Variants in EOLA1 observed in about 807,000 individuals in gnomAD.
EOLA1 encodes protein EOLA1.
Under a neutral mutation model 4.5 loss-of-function variants are expected in EOLA1, and 1 was observed. The observed-to-expected ratio is 0.22, with a 90% confidence interval of 0.08 to 1.05. EOLA1 has a LOEUF of 1.05. EOLA1 is among the 50% of genes least tolerant of loss of function. The pLI is 0.57. For missense variants in EOLA1, 69 were observed against 127.2 expected (o/e 0.54, Z 2.20); for synonymous variants, 37 against 52.3 (o/e 0.71, Z 1.26).
Position 149,547,163 on chromosome X carries a change from G to C in EOLA1, c.*201G>C, listed in dbSNP as rs7885814. The stretch of plus-strand genomic sequence containing the variant: ...GGAAGTAGGGGGTGGGGCTTTCCTT[G>C]TGTGATGCCTCCTTAGGCACACAGG... On this transcript the variant is annotated 3_prime_UTR_variant, in exon 5 of 5. Transcript: ENST00000393985. 71,939 of 970,712 alleles carry C rather than the reference G, an allele frequency of 0.074. 1,924 individuals are homozygous for C. The highest frequency in any genetic ancestry group is 0.094 in the Middle Eastern group (228 of 2,427). 80.0% of individuals were successfully genotyped at this position (970,712 alleles called of 1,213,427 possible).
At chrX:149,550,384 G>C (rs1231808472), downstream of EOLA1, 1 of 79,846 alleles carries the variant, frequency 1.3e-5, no homozygotes, top group Non-Finnish European at 2.2e-5. Flanking sequence ...TCTAGGAGAT[G>C]GTGGTCCCTA....
rs2089718525 is a variant in EOLA1, at chrX:149,541,024, G to C, written c.-549G>C. 8.9e-6 allele frequency: 1 copy of C among 112,842 alleles called. No individual in the cohort carries two copies. Among genetic ancestry groups the C allele is most frequent in the Non-Finnish European group, 1.9e-5 (1 of 53,332 alleles). The allele number at this position is 112,842 out of a possible 1,213,427, so 9.3% of individuals were successfully genotyped here. On this transcript the variant is annotated 5_prime_UTR_variant, in exon 1 of 5. Transcript: ENST00000393985. ...GCTGTATGAAAGCGGAAGAGTTATA[G>C]ACCGCTAACACCTGTCACTGGCCAC...
At chrX:149,549,229 T>C, downstream of EOLA1, 9 of 1,045,042 alleles carry the variant, frequency 8.6e-6, no homozygotes, top group Non-Finnish European at 1.1e-5. Context: ...ATACTTTTCA[T>C]CTTTCAATAA....
rs1470104920 is a variant in EOLA1, at chrX:149,541,337, G to C, written c.-236G>C. 5 of 114,203 alleles carry C rather than the reference G, an allele frequency of 4.4e-5. No individual in the cohort carries two copies. Among genetic ancestry groups the C allele is most frequent in the African/African-American group, 1.6e-4 (5 of 31,098 alleles). 9.4% of individuals were successfully genotyped at this position (114,203 alleles called of 1,213,427 possible). ...GGGAGCCTGTGTGCTCAGCCTTCTT[G>C]CGGACGGTACCTGAGGGCTGGGGTT... On this transcript the variant is annotated 5_prime_UTR_variant, in exon 1 of 5. Coordinates refer to ENST00000393985, the MANE Select transcript of EOLA1 (RefSeq NM_001171907.3).
In EOLA1 at chrX:149,545,791, G is replaced by A. The variant is rs149793182; in HGVS notation, c.161G>A (p.Arg54Gln). The A allele has an allele frequency of 2.1e-4, 258 of 1,210,419 alleles. No individual in the cohort carries two copies. Among genetic ancestry groups the A allele is most frequent in the African/African-American group, 1.8e-3 (105 of 57,399 alleles). ...AGGGACTGGGAAGGCGATGCCTGGC[G>A]GGAGCTGCTGGTGGAGAGACTCGGG... ...AHRDWEGDAWRELLVERLGMT... is the reference protein window; with the variant it reads ...AHRDWEGDAWQELLVERLGMT... Residue 54 changes from arginine to glutamine, a missense_variant, in exon 4 of 5, where the codon CGG becomes CAG. By Grantham distance (43) the Arg-to-Gln change is conservative. Coordinates refer to ENST00000393985, the MANE Select transcript of EOLA1 (RefSeq NM_001171907.3).
chrX:149,545,008 G>C (rs2089810924), intron 2 of EOLA1: 1 of 688,224 alleles, frequency 1.5e-6, no homozygotes, highest in Non-Finnish European at 1.7e-6. Flanking sequence ...GTGGCACCCA[G>C]AGGGGTGGAG....
At position 149,546,819 on chromosome X, in the gene EOLA1, G is replaced by A; in HGVS notation, c.334G>A (p.Val112Ile). 1 of 1,211,737 alleles carries A rather than the reference G, an allele frequency of 8.3e-7. No individual in the cohort carries two copies. The highest frequency in any genetic ancestry group is 1.1e-6 in the Non-Finnish European group (1 of 895,428). The change falls in exon 5 of 5, where the codon GTA becomes ATA. Residue 112 changes from valine (V) to isoleucine (I), a missense_variant. By Grantham distance (29) the Val-to-Ile change is conservative. Coordinates refer to ENST00000393985, the MANE Select transcript of EOLA1 (RefSeq NM_001171907.3). ...GGTTGTGGAACTAGAAAATCAAGCT[G>A]TACTGACCAACCTGAAGCAGAAGTA... Reference protein sequence around the residue: ...DEVVELENQAVLTNLKQKYLT... With the variant: ...DEVVELENQAILTNLKQKYLT...
chrX:149,543,896 C>T (rs2089780184), intron 2 of EOLA1, among the ~76,000 whole-genome samples: 1 of 75,917 alleles, frequency 1.3e-5, no homozygotes, highest in East Asian at 3.5e-4. Flanking sequence ...GGCTGCTGAG[C>T]ATGGACTAAG....
chrX:149,545,781 G>A lies in EOLA1; in HGVS notation c.151G>A (p.Asp51Asn), dbSNP rs370085115. 17 of 1,210,572 alleles carry A rather than the reference G, an allele frequency of 1.4e-5. No individual in the cohort carries two copies. The Middle Eastern group carries it at 6.9e-4, about 49-fold the overall frequency. Residue 51 changes from aspartate (D) to asparagine (N), a missense_variant, in exon 4 of 5, where the codon GAT becomes AAT. Transcript: ENST00000393985. ...CATTGCTCACAGGGACTGGGAAGGC[G>A]ATGCCTGGCGGGAGCTGCTGGTGGA... ...VHIAHRDWEG[D>N]AWRELLVERL...
chrX:149,546,236 C>T (rs1481998276), intron 4 of EOLA1, among the ~76,000 whole-genome samples: 1 of 98,038 alleles, frequency 1.0e-5, no homozygotes, highest in Non-Finnish European at 2.1e-5. Flanking sequence ...GAAAAGCAGC[C>T]CAGCCCGCCG....
intron 2 of EOLA1, among the ~76,000 whole-genome samples, chrX:149,542,463 G>A (rs1194610924): frequency 3.6e-5 from 4 of 109,618 alleles, no homozygotes; most frequent in Non-Finnish European, 5.7e-5. Context: ...GCAGATATCA[G>A]CATCTTAGAT....
In EOLA1 at chrX:149,545,668, C is replaced by G. The variant is rs1264471040; in HGVS notation, c.38C>G (p.Ala13Gly). 8.3e-7 allele frequency: 1 copy of G among 1,209,568 alleles called. No homozygotes were observed. Among genetic ancestry groups the G allele is most frequent in the Non-Finnish European group, 1.1e-6 (1 of 894,246 alleles). Residue 13 changes from alanine to glycine, a missense_variant, in exon 4 of 5, where the codon GCT becomes GGT. Physicochemically the swap from Ala to Gly is moderately conservative, Grantham distance 60. Coordinates refer to ENST00000393985, the MANE Select transcript of EOLA1 (RefSeq NM_001171907.3). Reference protein sequence around the residue: ...FGCLSFRQPYAGFVLNGIKTV... With the variant: ...FGCLSFRQPYGGFVLNGIKTV... ...TGCCTCTCCTTCCGGCAGCCTTATG[C>G]TGGCTTTGTCTTAAATGGAATCAAG...
At chrX:149,544,812 G>A in intron 2 of EOLA1, 2 of 752,667 alleles carry the variant, frequency 2.7e-6, no homozygotes, top group Non-Finnish European at 3.1e-6. Context: ...CACTGACCCT[G>A]CTGGGTTACT....
downstream of EOLA1, chrX:149,548,380 T>G: frequency 1.1e-6 from 1 of 933,664 alleles, no homozygotes; most frequent in Non-Finnish European, 1.3e-6. Context: ...ACTTGTAATC[T>G]GAGGAGCCTT....
At position 149,545,764 on chromosome X, in the gene EOLA1, A is replaced by G; in HGVS notation, c.134A>G (p.His45Arg). 8.3e-7 allele frequency: 1 copy of G among 1,212,112 alleles called. No individual in the cohort carries two copies. Among genetic ancestry groups the G allele is most frequent in the Non-Finnish European group, 1.1e-6 (1 of 895,447 alleles). ...TGTACCATCGCCGTCCACATTGCTC[A>G]CAGGGACTGGGAAGGCGATGCCTGG... The part of the protein sequence containing the change: ...RNCTIAVHIA[H>R]RDWEGDAWRE... The change falls in exon 4 of 5, where the codon CAC (histidine) becomes CGC (arginine). Residue 45 changes from histidine (H) to arginine (R), a missense_variant. Coordinates refer to ENST00000393985, the MANE Select transcript of EOLA1 (RefSeq NM_001171907.3).
chrX:149,548,411 G>C (rs2089887592), downstream of EOLA1: 1 of 932,299 alleles, frequency 1.1e-6, no homozygotes, highest in Non-Finnish European at 1.3e-6. Context: ...CTCATCGTCA[G>C]AGGGCTCATT....
chrX:149,548,207 C>G lies in EOLA1; in HGVS notation c.*1245C>G. The G allele has an allele frequency of 2.7e-6, 1 of 373,711 alleles. No homozygotes were observed. 30.8% of individuals were successfully genotyped at this position (373,711 alleles called of 1,213,427 possible). ...ACAAGGTTAAAAAAAACACAGACAACAGTTCTCATTTAAATTGTTTATTAT... is the reference window on the plus strand; with the variant it reads ...ACAAGGTTAAAAAAAACACAGACAAGAGTTCTCATTTAAATTGTTTATTAT... On this transcript the variant is annotated 3_prime_UTR_variant, in exon 5 of 5. Transcript: ENST00000393985.
chrX:149,543,955 G>T (rs1557346872), intron 2 of EOLA1, among the ~76,000 whole-genome samples: 1 of 34,125 alleles, frequency 2.9e-5, no homozygotes. Context: ...TGTGGGGATA[G>T]GTCAGTCAGT....
At chrX:149,541,802 C>T (rs782564999) in intron 1 of EOLA1, 13 of 754,294 alleles carry the variant, frequency 1.7e-5, no homozygotes, top group Admixed American at 8.6e-5. Flanking sequence ...GGCTGGTGCA[C>T]CCTGTGGTCC....
Sources: allele counts gnomAD v4.1 joint callset (sites outside exome capture counted in the v4.1 genomes callset), GRCh38; gene constraint gnomAD v4.1.1; transcripts MANE v1.5; gene names NCBI Gene and HGNC (gene_info 2026-07-23, HGNC 2026-07-21).